Variants in HERC1 observed in about 807,000 individuals in gnomAD.
HERC1 encodes the protein HECT and RLD domain containing E3 ubiquitin protein ligase family member 1, also known as probable E3 ubiquitin-protein ligase HERC1.
HERC1 carries 160 observed loss-of-function variants against 554.3 expected under a neutral mutation model. The ratio of observed to expected loss-of-function variants is 0.29; its 90% CI spans 0.25 to 0.33. HERC1 has a LOEUF of 0.33. Ranked by LOEUF, HERC1 falls within the 10% of genes least tolerant of loss-of-function variation. The pLI is 1.00. For missense variants in HERC1, 4,919 were observed against 5,918.5 expected (o/e 0.83, Z 5.54); for synonymous variants, 2,175 against 2,131.7 (o/e 1.02, Z -0.56).
At chr15:63,746,833 A>T in intron 12 of HERC1, 85 bp downstream of exon 12, 1 of 1,131,232 alleles carries the variant, frequency 8.8e-7, no homozygotes, top group Non-Finnish European at 1.3e-6. Flanking sequence ...GAAATTGTCC[A>T]ATGTACAGTT....
chr15:63,833,094 T>C (rs2078211558), intron 1 of HERC1, among the ~76,000 whole-genome samples: 1 of 152,194 alleles, frequency 6.6e-6, no homozygotes, highest in Admixed American at 6.5e-5. Flanking sequence ...CCCAGTAACC[T>C]GCCACCCATC....
chr15:63,756,845 T>C lies in HERC1; in HGVS notation c.1222-97A>G, dbSNP rs1234071522. On this transcript the variant is annotated intron_variant, in intron 4 of 77. Transcript: ENST00000443617. The surrounding 1 kb of genome is among the most constrained non-coding windows in gnomAD (Gnocchi z 5.0). ...TCAAAGAGCCTCAAAGGAAGTCTTT[T>C]AGCAGGATACGGCATGATTCTCCAG... is the stretch of plus-strand genomic sequence containing the variant. 5.5e-6 allele frequency: 4 copies of C among 733,122 alleles called. No homozygotes were observed. In the African/African-American group the frequency reaches 7.1e-5, roughly 13 times the overall value. 45.4% of individuals were successfully genotyped at this position (733,122 alleles called of 1,614,324 possible). A position where few individuals can be genotyped will look rare whatever the true frequency, so the allele number is the denominator to read the frequency against.
chr15:63,619,205 A>G (rs1460554357), intron 74 of HERC1, among the ~76,000 whole-genome samples: 2 of 152,192 alleles, frequency 1.3e-5, no homozygotes, highest in African/African-American at 2.4e-5. Context: ...TTTAGCATGA[A>G]GCGTTGTTGA....
intron 34 of HERC1, among the ~76,000 whole-genome samples, 185 bp downstream of exon 34, chr15:63,686,174 G>C (rs1241040406): frequency 6.6e-6 from 1 of 152,030 alleles, no homozygotes; most frequent in South Asian, 2.1e-4. Flanking sequence ...AATTATAAGG[G>C]TTACAAAAAT....
chr15:63,703,635 TC>T (rs1448451260), intron 25 of HERC1, among the ~76,000 whole-genome samples: 5 of 152,130 alleles, frequency 3.3e-5, no homozygotes, highest in African/African-American at 1.2e-4. Flanking sequence ...TTTCTGTAAT[TC>T]CAGCACTTTG....
chr15:63,824,700 C>G (rs1055553900), intron 1 of HERC1, among the ~76,000 whole-genome samples: 1 of 152,112 alleles, frequency 6.6e-6, no homozygotes, highest in Non-Finnish European at 1.5e-5. Flanking sequence ...ACCTACACGT[C>G]TGTCAGTGGA....
intron 75 of HERC1, 88 bp downstream of exon 75, chr15:63,616,342 G>T: frequency 7.4e-7 from 1 of 1,360,118 alleles, no homozygotes; most frequent in South Asian, 1.3e-5. Context: ...GCAAGTGGAA[G>T]ACTGTATCTC....
chr15:63,750,496 A>T (rs549562763), intron 8 of HERC1, among the ~76,000 whole-genome samples: 2 of 152,118 alleles, frequency 1.3e-5, no homozygotes, highest in South Asian at 4.1e-4. Context: ...AATCTGAATG[A>T]TTTTTTTTCT....
intron 17 of HERC1, 136 bp from the exon 18 acceptor site, chr15:63,725,649 T>C: frequency 1.5e-6 from 1 of 653,538 alleles, no homozygotes; most frequent in Non-Finnish European, 2.6e-6. Flanking sequence ...ATTATAATAC[T>C]TTCTGTATTT....
Position 63,640,439 on chromosome 15 carries a change from CAT to C in HERC1, c.11612_11613del (p.His3871ArgfsTer5). On this transcript the variant is annotated frameshift_variant, in exon 61 of 78. Transcript: ENST00000443617. LOFTEE classifies it high-confidence loss of function. ...LQEQYAYEKP[H>X]VVCGDQLVHS... The stretch of plus-strand genomic sequence containing the variant: ...TGAACAAGTTGGTCACCACAAACCA[CAT>C]GAGGCTAAAACAAAATACAAGGATA... 6.2e-7 allele frequency: 1 copy of C among 1,612,074 alleles called. No homozygotes were observed.
At position 63,652,632 on chromosome 15, in the gene HERC1, A is replaced by G. The variant is rs2069756149; in HGVS notation, c.10291-91T>C. ...TGTATCCAATTTTTAAAAATCTACC[A>G]TGAAATTAAAAGAAAAGCATCCATT... On this transcript the variant is annotated intron_variant, in intron 51 of 77. Coordinates refer to ENST00000443617, the MANE Select transcript of HERC1 (RefSeq NM_003922.4). The G allele has an allele frequency of 5.6e-6, 6 of 1,075,576 alleles. No homozygotes were observed. In the Admixed American group the frequency reaches 1.5e-4, roughly 27 times the overall value. The allele number at this position is 1,075,576 out of a possible 1,614,324, so 66.6% of individuals were successfully genotyped here.
At chr15:63,705,476 C>CA (rs2072953619) in intron 25 of HERC1, among the ~76,000 whole-genome samples, 1 of 152,050 alleles carries the variant, frequency 6.6e-6, no homozygotes, top group African/African-American at 2.4e-5. Context: ...TAAGTAACAA[C>CA]ATTTATTCTT....
At chr15:63,819,878 T>G (rs1160161362) in intron 1 of HERC1, among the ~76,000 whole-genome samples, 2 of 152,222 alleles carry the variant, frequency 1.3e-5, no homozygotes, top group African/African-American at 4.8e-5. Context: ...CTTAGGCAAG[T>G]TACTTAACCT....
At chr15:63,626,869 C>T (rs762232538) in intron 70 of HERC1, among the ~76,000 whole-genome samples, 1 of 152,206 alleles carries the variant, frequency 6.6e-6, no homozygotes, top group Non-Finnish European at 1.5e-5. Flanking sequence ...GTGCCTGGCA[C>T]TATTCTAAGA....
intron 12 of HERC1, among the ~76,000 whole-genome samples, chr15:63,736,897 A>T (rs2074528640): frequency 6.6e-6 from 1 of 151,876 alleles, no homozygotes; most frequent in African/African-American, 2.4e-5. Flanking sequence ...GTGAGCCACC[A>T]CGCCCGGCCA....
intron 1 of HERC1, among the ~76,000 whole-genome samples, chr15:63,792,446 C>T (rs946339631): frequency 6.7e-6 from 1 of 148,928 alleles, no homozygotes; most frequent in African/African-American, 2.4e-5. Flanking sequence ...TTTTCAAAAC[C>T]CTTTCCAGAT....
rs144222228 is a variant in HERC1, at chr15:63,612,655, G to A, written c.14095-99C>T. 643 of 1,146,126 alleles carry A rather than the reference G, an allele frequency of 5.6e-4. 1 individual carries two copies. In the African/African-American group the frequency reaches 8.2e-3, roughly 15 times the overall value. The allele number at this position is 1,146,126 out of a possible 1,614,324, so 71.0% of individuals were successfully genotyped here. A position where few individuals can be genotyped will look rare whatever the true frequency, so the allele number is the denominator to read the frequency against. On this transcript the variant is annotated intron_variant, in intron 76 of 77. Transcript: ENST00000443617. The surrounding 1 kb of genome is among the most constrained non-coding windows in gnomAD (Gnocchi z 5.0). ...GGCGCCTCCTGATGCCTGCTCGTCC[G>A]CTCCCCAGACCCTCTACTTGTTTCT... is the stretch of plus-strand genomic sequence containing the variant.
chr15:63,749,565 TAAAAG>T lies in HERC1; in HGVS notation c.2048-32_2048-28del. 1 of 1,577,808 alleles carries T rather than the reference TAAAAG, an allele frequency of 6.3e-7. No homozygotes were observed. The highest frequency in any genetic ancestry group is 2.4e-5 in the East Asian group (1 of 42,520). ...TAAAAACAAAATATAAAGTATTATATAAAAGAAAAGCCAAATTCAAATGTAATATA... is the reference window on the plus strand; with the variant it reads ...TAAAAACAAAATATAAAGTATTATATAAAAGCCAAATTCAAATGTAATATA... On this transcript the variant is annotated intron_variant, in intron 9 of 77. Transcript: ENST00000443617. This position sits in a 1 kb window ranked among gnomAD's most constrained non-coding sequence, Gnocchi z 4.1.
chr15:63,673,971 C>T (rs1201175196), intron 38 of HERC1, among the ~76,000 whole-genome samples: 1 of 152,136 alleles, frequency 6.6e-6, no homozygotes, highest in Non-Finnish European at 1.5e-5. Context: ...GTGATCTGCC[C>T]ACCTCGGCCT....
Sources: gnomAD v4.1 joint callset for allele counts (sites outside exome capture counted in the v4.1 genomes callset) on GRCh38, gnomAD v4.1.1 for gene constraint, Gnocchi (gnomAD v3.1) non-coding constraint, MANE v1.5 for transcripts, NCBI Gene and HGNC (gene_info 2026-07-23, HGNC 2026-07-21) for gene names.